NPAS3: variants seen among roughly 807,000 people sequenced by gnomAD.
The protein encoded by NPAS3 is neuronal PAS domain protein 3, also known as neuronal PAS domain-containing protein 3.
In NPAS3, 14 loss-of-function variants were observed where a neutral mutation model predicts 73.1. The ratio of observed to expected loss-of-function variants is 0.19; its 90% CI spans 0.13 to 0.30. The LOEUF is 0.30. NPAS3 is among the 10% of genes least tolerant of loss of function. NPAS3 has a pLI of 1.00. For missense variants in NPAS3, 1,096 were observed against 1,250.0 expected (o/e 0.88, Z 1.86); for synonymous variants, 620 against 541.5 (o/e 1.14, Z -2.01).
chr14:32,970,259 C>T (rs1033613950), intron 1 of NPAS3, among the ~76,000 whole-genome samples: 1 of 152,088 alleles, frequency 6.6e-6, no homozygotes, highest in East Asian at 1.9e-4. Context: ...TGAGAAAAGA[C>T]AAAATGTTTG....
chr14:33,504,794 T>C (rs2052679804), intron 4 of NPAS3, among the ~76,000 whole-genome samples: 1 of 152,012 alleles, frequency 6.6e-6, no homozygotes, highest in African/African-American at 2.4e-5. Context: ...TACAGACAAG[T>C]AAATTGGCAA....
chr14:33,673,571 C>T (rs1241817716), intron 5 of NPAS3, among the ~76,000 whole-genome samples: 2 of 152,158 alleles, frequency 1.3e-5, no homozygotes, highest in African/African-American at 2.4e-5. Flanking sequence ...GACATGTTTG[C>T]GGTGATTACT....
chr14:33,363,922 C>CTGTGTGTGTG (rs10627532), intron 3 of NPAS3, among the ~76,000 whole-genome samples: 16,731 of 148,710 alleles, frequency 0.11, 1,015 homozygotes, highest in Non-Finnish European at 0.13. Context: ...GCAATGCCCT[C>CTGTGTGTGTG]TGTGTGTGTG....
intron 3 of NPAS3, among the ~76,000 whole-genome samples, chr14:33,278,842 C>T (rs557516966): frequency 5.9e-5 from 9 of 152,204 alleles, no homozygotes; most frequent in South Asian, 2.1e-4. Flanking sequence ...AGAAGCTCTA[C>T]GTAAAATTTT....
chr14:33,369,855 C>T (rs2046009063), intron 4 of NPAS3, among the ~76,000 whole-genome samples: 1 of 152,104 alleles, frequency 6.6e-6, no homozygotes. Context: ...AGCCCATAAG[C>T]CTATGTCTGT....
At chr14:33,753,182 GA>G (rs201906998) in intron 7 of NPAS3, among the ~76,000 whole-genome samples, 1,830 of 152,176 alleles carry the variant, frequency 0.012, 47 homozygotes, top group African/African-American at 0.042. Flanking sequence ...AGCTCTAAAG[GA>G]TTGGTGTGAA....
intron 5 of NPAS3, among the ~76,000 whole-genome samples, chr14:33,629,045 C>T (rs893241526): frequency 3.9e-5 from 6 of 151,970 alleles, no homozygotes; most frequent in Admixed American, 1.3e-4. Context: ...TCCTGGCTAA[C>T]ACGGTGAAAC....
intron 6 of NPAS3, among the ~76,000 whole-genome samples, chr14:33,695,503 A>C (rs1246440056): frequency 6.6e-6 from 1 of 152,194 alleles, no homozygotes; most frequent in Non-Finnish European, 1.5e-5. Context: ...ATCAGACTTC[A>C]CATTGTCAAG....
intron 4 of NPAS3, among the ~76,000 whole-genome samples, chr14:33,430,142 C>T (rs112421180): frequency 6.6e-6 from 1 of 152,238 alleles, no homozygotes; most frequent in African/African-American, 2.4e-5. Flanking sequence ...ATAAAAGGTG[C>T]TTGTTGTTGC....
intron 2 of NPAS3, among the ~76,000 whole-genome samples, chr14:33,085,778 CT>C (rs1424663042): frequency 6.6e-6 from 1 of 152,128 alleles, no homozygotes; most frequent in African/African-American, 2.4e-5. Context: ...ACATTTTGAA[CT>C]GAATTCATTA....
At chr14:33,022,848 T>A (rs1046590490) in intron 1 of NPAS3, among the ~76,000 whole-genome samples, 2 of 152,138 alleles carry the variant, frequency 1.3e-5, no homozygotes, top group Non-Finnish European at 2.9e-5. Context: ...GCTTTTTATT[T>A]GCCAGTGTCA....
intron 6 of NPAS3, among the ~76,000 whole-genome samples, chr14:33,678,519 T>G (rs1171552672): frequency 3.3e-5 from 5 of 152,194 alleles, no homozygotes; most frequent in Admixed American, 6.5e-5. Context: ...GCCCTGGCTG[T>G]GCTTCAGTTT....
intron 7 of NPAS3, among the ~76,000 whole-genome samples, chr14:33,760,978 T>A (rs994275575): frequency 6.6e-6 from 1 of 152,176 alleles, no homozygotes; most frequent in African/African-American, 2.4e-5. Context: ...TGCATTAATA[T>A]CCCATGTTTT....
In NPAS3 at chr14:33,388,188, A is replaced by G. The variant is rs145812818; in HGVS notation, c.468+20920A>G. 3.3e-4 allele frequency among the ~76,000 whole-genome samples: 50 copies of G among 152,324 alleles called. No homozygotes were observed. In the East Asian group the frequency reaches 9.6e-3, roughly 29 times the overall value. On this transcript the variant is annotated intron_variant, in intron 4 of 11. Transcript: ENST00000356141. ...TGTGTGAATGCAGTGAAGGAGCTGT[A>G]GAAAAGTTGGCATTGGCATGATATT...
At position 33,460,471 on chromosome 14, in the gene NPAS3, GC is replaced by G. The variant is rs1182333242; in HGVS notation, c.468+93204del. 2.0e-5 allele frequency among the ~76,000 whole-genome samples: 3 copies of G among 152,130 alleles called. No individual in the cohort carries two copies. The East Asian group carries it at 5.8e-4, about 29-fold the overall frequency. On this transcript the variant is annotated intron_variant, in intron 4 of 11. Coordinates refer to ENST00000356141, the Ensembl canonical transcript of NPAS3. ...GCAACTCCATGTTATACAAGTAAAT[GC>G]TTTTGCACTTGTGGAATGCAGTTAT...
intron 3 of NPAS3, among the ~76,000 whole-genome samples, chr14:33,354,136 G>A (rs981660340): frequency 6.6e-5 from 10 of 152,040 alleles, no homozygotes; most frequent in African/African-American, 1.2e-4. Context: ...TTTGCTTGCC[G>A]CTGCTTCTCA....
chr14:33,548,303 A>G (rs1043004228), intron 4 of NPAS3, among the ~76,000 whole-genome samples: 6 of 152,180 alleles, frequency 3.9e-5, no homozygotes, highest in Non-Finnish European at 8.8e-5. Context: ...AAATGTAGTG[A>G]ATGGTGGAAT....
intron 4 of NPAS3, among the ~76,000 whole-genome samples, chr14:33,421,287 T>A (rs541922825): frequency 6.6e-6 from 1 of 151,892 alleles, no homozygotes; most frequent in African/African-American, 2.4e-5. Flanking sequence ...AATAAAGGTG[T>A]GTCTTTGAAC....
At chr14:32,990,130 A>G (rs530164126) in intron 1 of NPAS3, among the ~76,000 whole-genome samples, 1 of 152,332 alleles carries the variant, frequency 6.6e-6, no homozygotes, top group African/African-American at 2.4e-5. Context: ...GAAGATCATG[A>G]GTCCTATTTT....
Sources: allele counts gnomAD v4.1 joint callset (sites outside exome capture counted in the v4.1 genomes callset), GRCh38; gene constraint gnomAD v4.1.1; transcripts MANE v1.5; gene names NCBI Gene and HGNC (gene_info 2026-07-23, HGNC 2026-07-21).